The following LPL variants were observed in gnomAD, a reference collection of about 807,000 sequenced individuals.
The protein encoded by LPL is phospholipase A1.
A neutral mutation model predicts 52.2 loss-of-function variants in LPL; 43 were observed. The observed-to-expected ratio is 0.82, with a 90% CI of 0.64 to 1.06. LPL has a LOEUF of 1.06. LPL is among the 50% of genes least tolerant of loss of function. The probability of loss-of-function intolerance (pLI) is 0.00; values close to 1 mark genes in which losing one functional copy is unlikely to be tolerated. For missense variants in LPL, 639 were observed against 585.3 expected (o/e 1.09, Z -0.95); for synonymous variants, 244 against 215.6 (o/e 1.13, Z -1.15).
chr8:19,955,941 T>C lies in LPL; in HGVS notation c.876T>C (p.Ser292=), dbSNP rs2128838517. The change falls in exon 6 of 10, where the codon AGT becomes AGC. Residue 292 remains serine, a synonymous_variant. Coordinates refer to ENST00000650287, the MANE Select transcript of LPL (RefSeq NM_000237.3). ...ATCCAAGTAAGGCCTACAGGTGCAG[T>C]TCCAAGGAAGCCTTTGAGAAAGGGC... is the stretch of plus-strand genomic sequence containing the variant. ...EENPSKAYRC[S]SKEAFEKGLC... The C allele has an allele frequency of 6.2e-7, 1 of 1,614,164 alleles. No individual in the cohort carries two copies. The highest frequency in any genetic ancestry group is 2.2e-5 in the East Asian group (1 of 44,868).
intron 1 of LPL, among the ~76,000 whole-genome samples, chr8:19,947,846 A>C (rs962699428): frequency 1.3e-5 from 2 of 152,176 alleles, no homozygotes; most frequent in African/African-American, 4.8e-5. Context: ...GAGAAGACAG[A>C]ATTAACTAAG....
rs1330408718 is a variant in LPL at position 19,965,634 on chromosome 8, G to A, written c.*324G>A. The A allele has an allele frequency of 3.3e-6, 1 of 306,182 alleles. No homozygotes were observed. The highest frequency in any genetic ancestry group is 6.0e-6 in the Non-Finnish European group (1 of 165,412). The allele number at this position is 306,182 out of a possible 1,614,324, so 19.0% of individuals were successfully genotyped here. ...AGAGTAAAATAAGGCTCCTTCATGT[G>A]GCGTATTGGGCCATAGCCTATAATT... On this transcript the variant is annotated 3_prime_UTR_variant, in exon 10 of 10. Coordinates refer to ENST00000650287, the MANE Select transcript of LPL (RefSeq NM_000237.3).
rs911313003 is a variant in LPL, at chr8:19,965,594, T to A, written c.*284T>A. 2 of 416,598 alleles carry A rather than the reference T, an allele frequency of 4.8e-6. No homozygotes were observed. The highest frequency in any genetic ancestry group is 4.0e-5 in the African/African-American group (2 of 49,908). 25.8% of individuals were successfully genotyped at this position (416,598 alleles called of 1,614,324 possible). A position where few individuals can be genotyped will look rare whatever the true frequency, so the allele number is the denominator to read the frequency against. ...GCTGTTTTGTCCTTTGAGAAAGAAA[T>A]AATTGTTTGAGCGCAGAGTAAAATA... On this transcript the variant is annotated 3_prime_UTR_variant, in exon 10 of 10. Transcript: ENST00000650287.
chr8:19,963,890 G>T (rs1281772569), intron 9 of LPL, among the ~76,000 whole-genome samples: 1 of 151,994 alleles, frequency 6.6e-6, no homozygotes, highest in East Asian at 1.9e-4. Context: ...CAAATCTGAG[G>T]CAATATCATA....
At chr8:19,954,096 G>T (rs550087990) in intron 4 of LPL, 24 bp from the exon 5 acceptor site, 10 of 1,541,918 alleles carry the variant, frequency 6.5e-6, no homozygotes, top group Non-Finnish European at 8.1e-6. Context: ...ACAAATCTGT[G>T]TTCCTGCTTT....
rs2069863014 is a variant in LPL, at chr8:19,944,075, T to G, written c.89-4105T>G. Among the ~76,000 whole-genome samples, 1 of 151,984 alleles carries G rather than the reference T, an allele frequency of 6.6e-6. No individual in the cohort carries two copies. Among genetic ancestry groups the G allele is most frequent in the African/African-American group, 2.4e-5 (1 of 41,350 alleles). ...GGTGGCAGGCACCTGTAATCCCGGC[T>G]ACTCGGGAGGCTGAGGCAGAGAATG... On this transcript the variant is annotated intron_variant, in intron 1 of 9. Coordinates refer to ENST00000650287, the MANE Select transcript of LPL (RefSeq NM_000237.3). The surrounding 1 kb of genome is among the most constrained non-coding windows in gnomAD (Gnocchi z 4.2).
chr8:19,961,137 C>A, intron 8 of LPL, 54 bp downstream of exon 8: 3 of 1,534,200 alleles, frequency 2.0e-6, no homozygotes, highest in Non-Finnish European at 2.7e-6. Context: ...GATGTCAGGA[C>A]CTAGGGGCTG....
rs1227058633 is a variant in LPL at position 19,966,044 on chromosome 8, T to A, written c.*734T>A. On this transcript the variant is annotated 3_prime_UTR_variant, in exon 10 of 10. Transcript: ENST00000650287. ...TCCCCCTTCTTTTTTGTCTCAAGAT[T>A]ATATTATAATAATGTTCTCTGGGTA... is the stretch of plus-strand genomic sequence containing the variant. The A allele has an allele frequency of 6.6e-6, 1 of 152,098 alleles. No individual in the cohort carries two copies. The highest frequency in any genetic ancestry group is 1.9e-4 in the East Asian group (1 of 5,198). The allele number at this position is 152,098 out of a possible 1,614,324, so 9.4% of individuals were successfully genotyped here.
At chr8:19,964,404 C>T (rs913305999) in intron 9 of LPL, among the ~76,000 whole-genome samples, 2 of 152,222 alleles carry the variant, frequency 1.3e-5, no homozygotes, top group South Asian at 2.1e-4. Flanking sequence ...CACGTCCAGT[C>T]GTATTTTTTA....
chr8:19,955,712 A>G, intron 5 of LPL, 129 bp from the exon 6 acceptor site: 1 of 1,227,086 alleles, frequency 8.1e-7, no homozygotes, highest in Non-Finnish European at 1.2e-6. Flanking sequence ...TACAATCATA[A>G]ATGCACAGGA....
Position 19,939,523 on chromosome 8 carries a change from C to T in LPL, c.83C>T (p.Ala28Val), listed in dbSNP as rs11570895. 1.7e-5 allele frequency: 27 copies of T among 1,607,566 alleles called. No individual in the cohort carries two copies. The East Asian group carries it at 6.1e-4, about 36-fold the overall frequency. The stretch of plus-strand genomic sequence containing the variant: ...GCCTCCCGCGGAGGGGTGGCCGCCG[C>T]CGACCGTAAGTTTTGCGCGCAAACT... ...LTASRGGVAA[A>V]DQRRDFIDIE... Residue 28 changes from alanine to valine, a missense_variant, in exon 1 of 10, where the codon GCC (alanine) becomes GTC (valine). Coordinates refer to ENST00000650287, the MANE Select transcript of LPL (RefSeq NM_000237.3). This position sits in a 1 kb window ranked among gnomAD's most constrained non-coding sequence, Gnocchi z 4.0.
intron 9 of LPL, 121 bp downstream of exon 9, chr8:19,962,340 TTCAA>T: frequency 1.3e-6 from 1 of 760,386 alleles, no homozygotes; most frequent in Non-Finnish European, 2.4e-6. Context: ...GATCAAAGCA[TTCAA>T]TCAGTCTTTC....
In LPL at chr8:19,965,559, C is replaced by T; in HGVS notation, c.*249C>T. On this transcript the variant is annotated 3_prime_UTR_variant, in exon 10 of 10. Coordinates refer to ENST00000650287, the MANE Select transcript of LPL (RefSeq NM_000237.3). ...CCTCCAACGTTAAAAGACAGTGGAT[C>T]ATGAAAAGTGCTGTTTTGTCCTTTG... 6.0e-6 allele frequency: 3 copies of T among 500,674 alleles called. No homozygotes were observed. The South Asian group carries it at 1.0e-4, about 17-fold the overall frequency. 31.0% of individuals were successfully genotyped at this position (500,674 alleles called of 1,614,324 possible).
intron 5 of LPL, among the ~76,000 whole-genome samples, chr8:19,955,068 C>T (rs373333737): frequency 6.6e-6 from 1 of 152,088 alleles, no homozygotes; most frequent in Non-Finnish European, 1.5e-5. Flanking sequence ...AGGATATTCT[C>T]GTTATTTTTG....
intron 7 of LPL, among the ~76,000 whole-genome samples, chr8:19,959,713 T>G (rs747700129): frequency 6.7e-6 from 1 of 149,244 alleles, no homozygotes; most frequent in Non-Finnish European, 1.5e-5. Context: ...AACCACTCTA[T>G]AGATGTACAT....
intron 2 of LPL, among the ~76,000 whole-genome samples, chr8:19,951,209 A>T (rs1013658287): frequency 2.0e-5 from 3 of 152,190 alleles, no homozygotes; most frequent in Non-Finnish European, 4.4e-5. Context: ...CTTGGATGTC[A>T]CTGGCTTTAA....
At position 19,962,141 on chromosome 8, in the gene LPL, T is replaced by C. The variant is rs1315838843; in HGVS notation, c.1349T>C (p.Val450Ala). 1.9e-6 allele frequency: 3 copies of C among 1,613,692 alleles called. No individual in the cohort carries two copies. Among genetic ancestry groups the C allele is most frequent in the South Asian group, 2.2e-5 (2 of 91,078 alleles). The change falls in exon 9 of 10, where the codon GTG becomes GCG. Residue 450 changes from valine to alanine, a missense_variant. Coordinates refer to ENST00000650287, the MANE Select transcript of LPL (RefSeq NM_000237.3). ...KKVIFCSREK[V>A]SHLQKGKAPA... ...GTGATCTTCTGTTCTAGGGAGAAAG[T>C]GTCTCATTTGCAGAAAGGAAAGGCA...
At position 19,962,140 on chromosome 8, in the gene LPL, G is replaced by T; in HGVS notation, c.1348G>T (p.Val450Leu). ...GGTGATCTTCTGTTCTAGGGAGAAAGTGTCTCATTTGCAGAAAGGAAAGGC... is the reference window on the plus strand; with the variant it reads ...GGTGATCTTCTGTTCTAGGGAGAAATTGTCTCATTTGCAGAAAGGAAAGGC... The part of the protein sequence containing the change: ...KKVIFCSREK[V>L]SHLQKGKAPA... The change falls in exon 9 of 10, where the codon GTG (valine) becomes TTG (leucine). Residue 450 changes from valine (V) to leucine (L), a missense_variant. Transcript: ENST00000650287. 3 of 1,613,664 alleles carry T rather than the reference G, an allele frequency of 1.9e-6. No individual in the cohort carries two copies. Among genetic ancestry groups the T allele is most frequent in the Non-Finnish European group, 2.5e-6 (3 of 1,179,612 alleles).
intron 2 of LPL, among the ~76,000 whole-genome samples, chr8:19,951,474 G>A (rs2069933649): frequency 1.3e-5 from 2 of 152,098 alleles, no homozygotes; most frequent in South Asian, 2.1e-4. Context: ...CCTTTTAATA[G>A]TATAAATGAT....
Sources: gnomAD v4.1 joint callset for allele counts (sites outside exome capture counted in the v4.1 genomes callset) on GRCh38, gnomAD v4.1.1 for gene constraint, Gnocchi (gnomAD v3.1) non-coding constraint, MANE v1.5 for transcripts, NCBI Gene and HGNC (gene_info 2026-07-23, HGNC 2026-07-21) for gene names.